The following SMYD3 variants were observed in gnomAD, a reference collection of about 807,000 sequenced individuals.
SMYD3 encodes the protein histone-lysine N-methyltransferase SMYD3.
A neutral mutation model predicts 57.7 loss-of-function variants in SMYD3; 36 were observed. That is an observed-to-expected ratio of 0.62 (90% confidence interval 0.48 to 0.82). SMYD3 has a LOEUF of 0.82. Among genes scored for constraint, SMYD3 ranks in the 40% least tolerant of loss-of-function variants. The pLI, the probability that SMYD3 is intolerant of heterozygous loss-of-function variation, is 0.00. For synonymous variants in SMYD3, 211 were observed against 195.0 expected (o/e 1.08, Z -0.68); for missense variants, 515 against 538.8 (o/e 0.96, Z 0.44).
At chr1:245,880,628 G>A (rs1054703673) in intron 8 of SMYD3, among the ~76,000 whole-genome samples, 6 of 152,348 alleles carry the variant, frequency 3.9e-5, no homozygotes, top group East Asian at 1.9e-4. Context: ...GACTGCAGCT[G>A]AGAAAGACAG....
chr1:245,898,668 C>T (rs2053987664), intron 8 of SMYD3, among the ~76,000 whole-genome samples: 1 of 152,180 alleles, frequency 6.6e-6, no homozygotes, highest in Non-Finnish European at 1.5e-5. Context: ...AGCAGTGAGG[C>T]AACAGAGCTT....
intron 5 of SMYD3, among the ~76,000 whole-genome samples, chr1:246,259,748 A>G (rs2063968627): frequency 6.6e-6 from 1 of 152,224 alleles, no homozygotes; most frequent in Non-Finnish European, 1.5e-5. Context: ...CAGACTGGTC[A>G]GGTCCACCTA....
chr1:246,423,312 AAAAG>A (rs1355500692), intron 1 of SMYD3, among the ~76,000 whole-genome samples: 9 of 151,972 alleles, frequency 5.9e-5, no homozygotes, highest in Non-Finnish European at 1.2e-4. Flanking sequence ...AAAAAAAAGA[AAAAG>A]AAAAGAAAAA....
chr1:246,370,826 C>G (rs1049198393), intron 1 of SMYD3, among the ~76,000 whole-genome samples: 2 of 152,128 alleles, frequency 1.3e-5, no homozygotes, highest in Admixed American at 1.3e-4. Context: ...TTTTTGAAAC[C>G]CACATGTAGC....
intron 1 of SMYD3, among the ~76,000 whole-genome samples, chr1:246,457,424 T>C (rs1303101243): frequency 2.0e-5 from 3 of 148,862 alleles, no homozygotes; most frequent in Non-Finnish European, 4.4e-5. Context: ...TCCCAGCTAA[T>C]CGGGAGGCTG....
At chr1:246,080,138 G>A (rs1049344368) in intron 5 of SMYD3, among the ~76,000 whole-genome samples, 5 of 148,992 alleles carry the variant, frequency 3.4e-5, no homozygotes, top group Admixed American at 2.0e-4. Context: ...TCATGAACTC[G>A]TAAGTCAGTC....
chr1:245,915,420 C>A, intron 8 of SMYD3, 110 bp downstream of exon 8: 1 of 653,684 alleles, frequency 1.5e-6, no homozygotes, highest in South Asian at 2.2e-5. Context: ...CTGTTTCCTA[C>A]CATGTACTGA....
Position 246,471,472 on chromosome 1 carries a change from C to T in SMYD3, c.164+35582G>A, listed in dbSNP as rs140884645. On this transcript the variant is annotated intron_variant, in intron 1 of 11. Coordinates refer to ENST00000490107, the MANE Select transcript of SMYD3 (RefSeq NM_001167740.2). Reference sequence around the variant, plus strand: ...TTGGCCTCCCAAAGTGCTGGGATTACAGGTGTGAGCCACCATGCCTGGCCC... The same window carrying T: ...TTGGCCTCCCAAAGTGCTGGGATTATAGGTGTGAGCCACCATGCCTGGCCC... Among the ~76,000 whole-genome samples, 614 of 152,336 alleles carry T rather than the reference C, an allele frequency of 4.0e-3. 2 individuals carry two copies. Among genetic ancestry groups the T allele is most frequent in the African/African-American group, 0.014 (581 of 41,568 alleles).
chr1:246,435,808 G>A (rs1163364067), intron 1 of SMYD3, among the ~76,000 whole-genome samples: 2 of 151,508 alleles, frequency 1.3e-5, no homozygotes, highest in Admixed American at 6.6e-5. Flanking sequence ...GAATTCCAAG[G>A]AGAAGATACA....
chr1:246,028,505 T>A (rs1328375224), intron 5 of SMYD3, among the ~76,000 whole-genome samples: 5 of 152,102 alleles, frequency 3.3e-5, no homozygotes, highest in Admixed American at 2.6e-4. Context: ...AAATAAAGTA[T>A]CTAACAATAA....
At chr1:246,088,748 G>C (rs1217733464) in intron 5 of SMYD3, among the ~76,000 whole-genome samples, 1 of 152,084 alleles carries the variant, frequency 6.6e-6, no homozygotes, top group Non-Finnish European at 1.5e-5. Flanking sequence ...CCAAAAGTTT[G>C]AAAAATTAGC....
At chr1:245,790,050 T>C (rs543470570) in intron 10 of SMYD3, among the ~76,000 whole-genome samples, 1 of 152,176 alleles carries the variant, frequency 6.6e-6, no homozygotes, top group South Asian at 2.1e-4. Context: ...GGATCTTACA[T>C]CACTGTGGAA....
chr1:245,899,502 G>C (rs144768230), intron 8 of SMYD3, among the ~76,000 whole-genome samples: 1 of 152,150 alleles, frequency 6.6e-6, no homozygotes, highest in Admixed American at 6.5e-5. Flanking sequence ...AGGATGGAAC[G>C]AATCCAGAGA....
intron 7 of SMYD3, among the ~76,000 whole-genome samples, chr1:245,921,870 C>T (rs2055989635): frequency 1.3e-5 from 2 of 152,090 alleles, no homozygotes; most frequent in Admixed American, 6.5e-5. Context: ...GGGTGAAAAA[C>T]TGTTGGGTAC....
At chr1:246,226,971 A>T (rs1017831012) in intron 5 of SMYD3, among the ~76,000 whole-genome samples, 1 of 152,210 alleles carries the variant, frequency 6.6e-6, no homozygotes, top group Non-Finnish European at 1.5e-5. Flanking sequence ...TGAGATTATT[A>T]GATGAGGTTA....
intron 1 of SMYD3, among the ~76,000 whole-genome samples, chr1:246,365,679 C>T (rs1482483148): frequency 1.3e-5 from 2 of 151,938 alleles, no homozygotes; most frequent in African/African-American, 4.8e-5. Context: ...TGGAAAACAT[C>T]AATAACAAAC....
At chr1:246,292,942 T>G (rs12409083) in intron 5 of SMYD3, among the ~76,000 whole-genome samples, 1 of 151,904 alleles carries the variant, frequency 6.6e-6, no homozygotes, top group African/African-American at 2.4e-5. Flanking sequence ...AACTGAAACA[T>G]GGGTTGGGAA....
intron 5 of SMYD3, among the ~76,000 whole-genome samples, chr1:246,063,520 T>A (rs185974902): frequency 2.8e-3 from 420 of 151,910 alleles, no homozygotes; most frequent in African/African-American, 9.6e-3. Context: ...CTTGTGGGCC[T>A]GCCCTTCCTT....
rs577435407 is a variant in SMYD3, at chr1:246,057,489, G to A, written c.532-127552C>T. 6.6e-5 allele frequency among the ~76,000 whole-genome samples: 10 copies of A among 152,056 alleles called. No individual in the cohort carries two copies. The East Asian group carries it at 9.6e-4, about 15-fold the overall frequency. ...TATGATGGATACAGATGGCAAATAC[G>A]CATATGAAAAGATGCTCCACATCAC... is the stretch of plus-strand genomic sequence containing the variant. On this transcript the variant is annotated intron_variant, in intron 5 of 11. Coordinates refer to ENST00000490107, the MANE Select transcript of SMYD3 (RefSeq NM_001167740.2).
Sources: gnomAD v4.1 joint callset for allele counts (sites outside exome capture counted in the v4.1 genomes callset) on GRCh38, gnomAD v4.1.1 for gene constraint, MANE v1.5 for transcripts, NCBI Gene and HGNC (gene_info 2026-07-23, HGNC 2026-07-21) for gene names.